The following R3HCC1L variants were observed in gnomAD, a reference collection of about 807,000 sequenced individuals.
R3HCC1L encodes the protein coiled-coil domain-containing protein R3HCC1L.
Under a neutral mutation model 59.9 loss-of-function variants are expected in R3HCC1L, and 51 were observed. The observed-to-expected ratio is 0.85, with a 90% CI of 0.68 to 1.07. The LOEUF (loss-of-function observed/expected upper bound fraction) is 1.07, where lower values mean the gene tolerates loss of function less well. Among genes scored for constraint, R3HCC1L ranks in the 50% least tolerant of loss-of-function variants. R3HCC1L has a pLI of 0.00. For synonymous variants in R3HCC1L, 322 were observed against 315.2 expected, an observed-to-expected ratio of 1.02 and a Z score of -0.23; for missense variants, 965 against 933.0, an observed-to-expected ratio of 1.03 and a Z score of -0.45.
intron 5 of R3HCC1L, among the ~76,000 whole-genome samples, chr10:98,228,104 G>C (rs1455836560): frequency 1.3e-5 from 2 of 152,152 alleles, no homozygotes; most frequent in African/African-American, 4.8e-5. Context: ...CCCAGTAATG[G>C]GATGGCTGGG....
chr10:98,136,635 A>T (rs1005687376), intron 1 of R3HCC1L, among the ~76,000 whole-genome samples: 1 of 152,140 alleles, frequency 6.6e-6, no homozygotes, highest in African/African-American at 2.4e-5. Context: ...CAGGAGTTCA[A>T]GACCAGCCTG....
chr10:98,209,984 T>C, intron 5 of R3HCC1L, 85 bp downstream of exon 5: 1 of 1,068,034 alleles, frequency 9.4e-7, no homozygotes. Context: ...TGATGCACAT[T>C]CACTGATATT....
rs1396111077 is a variant in R3HCC1L at position 98,152,665 on chromosome 10, G to A, written c.-267-3428G>A. On this transcript the variant is annotated intron_variant, in intron 1 of 9. Transcript: ENST00000298999. ...CCACCCCGTCTGGGATGTGAGGAGCGCCTCTGCCCGGCCGCGACCCCGTCT... is the reference window on the plus strand; with the variant it reads ...CCACCCCGTCTGGGATGTGAGGAGCACCTCTGCCCGGCCGCGACCCCGTCT... Among the ~76,000 whole-genome samples, 12 of 127,686 alleles carry A rather than the reference G, an allele frequency of 9.4e-5. 2 individuals are homozygous for A. The highest frequency in any genetic ancestry group is 5.9e-4 in the Admixed American group (7 of 11,952). 83.8% of individuals were successfully genotyped at this position (127,686 alleles called of 152,430 possible).
intron 5 of R3HCC1L, chr10:98,211,171 A>T (rs942710884): frequency 6.3e-5 from 36 of 569,614 alleles, no homozygotes; most frequent in East Asian, 4.9e-4. Flanking sequence ...GTGTTTTTTC[A>T]TAGCTTTCAT....
At chr10:98,166,272 A>T (rs1230342045) in intron 4 of R3HCC1L, among the ~76,000 whole-genome samples, 4 of 152,228 alleles carry the variant, frequency 2.6e-5, no homozygotes, top group African/African-American at 9.6e-5. Context: ...AACCTGGAAG[A>T]GGGCCTGCTC....
At chr10:98,152,629 C>G (rs1208578862) in intron 1 of R3HCC1L, among the ~76,000 whole-genome samples, 1 of 125,974 alleles carries the variant, frequency 7.9e-6, no homozygotes, top group Non-Finnish European at 1.8e-5. Context: ...GCGGGGAGCG[C>G]CTCTGCCCCG....
At chr10:98,230,438 C>G (rs562708216) in intron 5 of R3HCC1L, among the ~76,000 whole-genome samples, 94 of 152,122 alleles carry the variant, frequency 6.2e-4, no homozygotes, top group African/African-American at 2.2e-3. Flanking sequence ...TCCCCTTTAT[C>G]ATTTTTTTTG....
intron 4 of R3HCC1L, among the ~76,000 whole-genome samples, chr10:98,169,148 T>TG (rs1346780038): frequency 6.6e-6 from 1 of 152,210 alleles, no homozygotes; most frequent in African/African-American, 2.4e-5. Context: ...TTATCTTACT[T>TG]GGTTTTCTCC....
intron 9 of R3HCC1L, among the ~76,000 whole-genome samples, chr10:98,241,898 A>T (rs1046548483): frequency 1.3e-5 from 2 of 152,140 alleles, no homozygotes; most frequent in East Asian, 1.9e-4. Context: ...ATCCTGACCT[A>T]CATTTCTCTA....
chr10:98,243,570 T>C (rs1857771482), intron 9 of R3HCC1L, among the ~76,000 whole-genome samples: 2 of 152,234 alleles, frequency 1.3e-5, no homozygotes. Flanking sequence ...CTGGAAGTGC[T>C]CTGAAAATAT....
intron 7 of R3HCC1L, 103 bp from the exon 8 acceptor site, chr10:98,235,322 G>GA (rs897427632): frequency 7.7e-5 from 75 of 977,942 alleles, no homozygotes; most frequent in Middle Eastern, 2.1e-4. Flanking sequence ...TGCTTGCTTT[G>GA]AAAAAAAAGC....
chr10:98,192,749 C>T (rs1307113300), intron 4 of R3HCC1L, among the ~76,000 whole-genome samples: 1 of 152,014 alleles, frequency 6.6e-6, no homozygotes, highest in Admixed American at 6.6e-5. Context: ...TTAAACTCTT[C>T]CAAAAAATGG....
intron 6 of R3HCC1L, 35 bp from the exon 7 acceptor site, chr10:98,234,411 A>C (rs375874650): frequency 1.3e-6 from 2 of 1,580,148 alleles, no homozygotes; most frequent in Non-Finnish European, 1.7e-6. Context: ...AGTAAATTTT[A>C]TTTTAGGAAA....
rs1209405728 is a variant in R3HCC1L, at chr10:98,155,747, A to G, written c.-267-346A>G. Among the ~76,000 whole-genome samples, 9 of 151,758 alleles carry G rather than the reference A, an allele frequency of 5.9e-5. No homozygotes were observed. The South Asian group carries it at 1.7e-3, about 28-fold the overall frequency. Reference sequence around the variant, plus strand: ...CCTTAAGCTATTTCTTCTGGCATCAACATATCTCTGTATTTAAAAATAATG... The same window carrying G: ...CCTTAAGCTATTTCTTCTGGCATCAGCATATCTCTGTATTTAAAAATAATG... On this transcript the variant is annotated intron_variant, in intron 1 of 9. Transcript: ENST00000298999.
At chr10:98,174,939 A>G (rs1294476917) in intron 4 of R3HCC1L, among the ~76,000 whole-genome samples, 1 of 152,216 alleles carries the variant, frequency 6.6e-6, no homozygotes, top group Non-Finnish European at 1.5e-5. Context: ...GTAGTTCAAA[A>G]TAAAACCGTT....
chr10:98,153,686 C>T (rs770764902), intron 1 of R3HCC1L, among the ~76,000 whole-genome samples: 3 of 148,120 alleles, frequency 2.0e-5, no homozygotes, highest in African/African-American at 7.5e-5. Flanking sequence ...GATCATAAGA[C>T]AGACAGAATG....
intron 5 of R3HCC1L, chr10:98,211,322 A>G: frequency 2.6e-6 from 4 of 1,530,658 alleles, no homozygotes; most frequent in Non-Finnish European, 3.5e-6. Flanking sequence ...TCTGATGCAC[A>G]TAAAGCCCGA....
intron 4 of R3HCC1L, among the ~76,000 whole-genome samples, chr10:98,204,701 C>T (rs1173236190): frequency 6.6e-6 from 1 of 152,042 alleles, no homozygotes; most frequent in African/African-American, 2.4e-5. Context: ...CTTTGAGAGA[C>T]CACATTCACG....
intron 7 of R3HCC1L, 137 bp from the exon 8 acceptor site, chr10:98,235,288 G>T: frequency 1.4e-6 from 1 of 692,848 alleles, no homozygotes; most frequent in South Asian, 1.8e-5. Context: ...TTACTGCCAC[G>T]TTGATCTTTA....
Sources: gnomAD v4.1 joint callset for allele counts (sites outside exome capture counted in the v4.1 genomes callset) on GRCh38, gnomAD v4.1.1 for gene constraint, MANE v1.5 for transcripts, NCBI Gene and HGNC (gene_info 2026-07-23, HGNC 2026-07-21) for gene names.